The following RELN variants were observed in gnomAD, a reference collection of about 807,000 sequenced individuals.
RELN encodes reelin.
In RELN, 108 loss-of-function variants were observed where a neutral mutation model predicts 427.6. The ratio of observed to expected loss-of-function variants is 0.25; its 90% confidence interval spans 0.22 to 0.30. RELN has a LOEUF of 0.30. RELN is among the 10% of genes least tolerant of loss of function. The pLI, the probability that RELN is intolerant of heterozygous loss-of-function variation, is 1.00. For synonymous variants in RELN, 1,524 were observed against 1,513.4 expected, an observed-to-expected ratio of 1.01 and a Z score of -0.16; for missense variants, 3,715 against 4,302.8, an observed-to-expected ratio of 0.86 and a Z score of 3.82.
intron 11 of RELN, among the ~76,000 whole-genome samples, chr7:103,666,915 A>G (rs1833280081): frequency 6.6e-6 from 1 of 152,116 alleles, no homozygotes. Flanking sequence ...TATCAGTTCT[A>G]TCTGTCATCT....
intron 8 of RELN, among the ~76,000 whole-genome samples, chr7:103,720,816 A>G (rs971059082): frequency 2.0e-5 from 3 of 152,148 alleles, no homozygotes; most frequent in African/African-American, 7.2e-5. Flanking sequence ...AATAAACAGA[A>G]TGATGTCACA....
chr7:103,592,980 CATCTG>C (rs1365841241), intron 27 of RELN, among the ~76,000 whole-genome samples: 3 of 152,288 alleles, frequency 2.0e-5, no homozygotes, highest in East Asian at 3.9e-4. Context: ...TGCCTATAAA[CATCTG>C]ATCTCTTTAA....
At chr7:103,510,520 T>C (rs1230134687) in intron 51 of RELN, among the ~76,000 whole-genome samples, 2 of 151,974 alleles carry the variant, frequency 1.3e-5, no homozygotes, top group Admixed American at 6.6e-5. Context: ...TTAGGAGAAA[T>C]ACCTAATGTA....
At chr7:103,520,957 ATTTTTTTTTTTTTTTT>A (rs55830035) in intron 48 of RELN, among the ~76,000 whole-genome samples, 1 of 79,184 alleles carries the variant, frequency 1.3e-5, no homozygotes, top group Non-Finnish European at 2.4e-5. Flanking sequence ...TAAATTTGTT[ATTTTTTTTTTTTTTTT>A]TTTTTTTTTT....
intron 4 of RELN, 73 bp downstream of exon 4, chr7:103,776,484 C>T (rs1452841033): frequency 8.3e-6 from 12 of 1,453,780 alleles, no homozygotes; most frequent in South Asian, 2.3e-5. Context: ...GAAATGCTTA[C>T]TTGGTACATA....
rs542388709 is a variant in RELN at position 103,733,994 on chromosome 7, T to G, written c.657-5787A>C. On this transcript the variant is annotated intron_variant, in intron 6 of 64. Transcript: ENST00000428762. ...AAGTAATCTGAAATTCTACTCTTCCTTTATGGAAAAGTTCTATGAGTTCCT... is the reference window on the plus strand; with the variant it reads ...AAGTAATCTGAAATTCTACTCTTCCGTTATGGAAAAGTTCTATGAGTTCCT... 3.9e-5 allele frequency among the ~76,000 whole-genome samples: 6 copies of G among 152,286 alleles called. No individual in the cohort carries two copies. The East Asian group carries it at 1.2e-3, about 29-fold the overall frequency.
At chr7:103,642,263 G>T (rs2117366113) in intron 16 of RELN, among the ~76,000 whole-genome samples, 1 of 151,290 alleles carries the variant, frequency 6.6e-6, no homozygotes, top group East Asian at 2.0e-4. Context: ...ATACCTAACA[G>T]AATTATGATA....
rs760341094 is a variant in RELN at position 103,510,894 on chromosome 7, G to C, written c.8231C>G (p.Thr2744Ser). Residue 2744 changes from threonine to serine, a missense_variant, in exon 51 of 65, where the codon ACC becomes AGC. Thr to Ser is a moderately conservative substitution (Grantham distance 58, BLOSUM62 1). Coordinates refer to ENST00000428762, the MANE Select transcript of RELN (RefSeq NM_005045.4). ...GCCTTCAGTGGGAGTCAGGTCATGG[G>C]TCACTGCATACACCTCCCGTCCATC... ...SHDGREVYAVTHDLTPTEGWI... is the reference protein window; with the variant it reads ...SHDGREVYAVSHDLTPTEGWI... 1 of 1,613,498 alleles carries C rather than the reference G, an allele frequency of 6.2e-7. No homozygotes were observed. The highest frequency in any genetic ancestry group is 1.1e-5 in the South Asian group (1 of 91,056).
intron 11 of RELN, among the ~76,000 whole-genome samples, chr7:103,665,364 A>G (rs10225457): frequency 0.028 from 2,031 of 71,670 alleles, 18 homozygotes; most frequent in Middle Eastern, 0.11. Context: ...GTGTGTGTGT[A>G]TATATATATA....
intron 11 of RELN, among the ~76,000 whole-genome samples, chr7:103,663,179 C>T (rs548208582): frequency 1.3e-5 from 2 of 152,296 alleles, no homozygotes; most frequent in Non-Finnish European, 2.9e-5. Context: ...CACTCCATCT[C>T]AGACTGTTAG....
intron 5 of RELN, among the ~76,000 whole-genome samples, 166 bp downstream of exon 5, chr7:103,753,016 G>T (rs891943817): frequency 1.3e-5 from 2 of 152,160 alleles, no homozygotes; most frequent in Non-Finnish European, 2.9e-5. Context: ...TCCTCAAGGA[G>T]GTTCTGTGTT....
At chr7:103,680,950 G>C (rs1211818558) in intron 11 of RELN, among the ~76,000 whole-genome samples, 1 of 152,130 alleles carries the variant, frequency 6.6e-6, no homozygotes, top group Non-Finnish European at 1.5e-5. Context: ...CTGTGCCACA[G>C]GCTGGACCTG....
chr7:103,874,795 C>A (rs1044772282), intron 2 of RELN, among the ~76,000 whole-genome samples: 1 of 150,072 alleles, frequency 6.7e-6, no homozygotes, highest in Admixed American at 6.7e-5. Flanking sequence ...AGGTCATTTA[C>A]AGATTCAATG....
In RELN at chr7:103,623,746, G is replaced by A. The variant is rs79601576; in HGVS notation, c.2702+6194C>T. Among the ~76,000 whole-genome samples, 532 of 152,270 alleles carry A rather than the reference G, an allele frequency of 3.5e-3. 5 individuals are homozygous for A. Among genetic ancestry groups the A allele is most frequent in the African/African-American group, 0.012 (509 of 41,536 alleles). The stretch of plus-strand genomic sequence containing the variant: ...GGAGAGGTAGATCTCATTTTAAAAT[G>A]TGTGGTATAATGCTTGCTAACTGTG... On this transcript the variant is annotated intron_variant, in intron 20 of 64. Transcript: ENST00000428762.
intron 1 of RELN, among the ~76,000 whole-genome samples, chr7:103,962,985 A>G (rs968614766): frequency 3.3e-5 from 5 of 152,112 alleles, no homozygotes; most frequent in Admixed American, 1.3e-4. Flanking sequence ...AGGTTGAGAA[A>G]ACGTCCAGCT....
chr7:103,525,325 C>T (rs1031241931), intron 46 of RELN, among the ~76,000 whole-genome samples: 3 of 152,268 alleles, frequency 2.0e-5, no homozygotes, highest in African/African-American at 7.2e-5. Flanking sequence ...CATTTATTTG[C>T]ATACATATTT....
At chr7:103,808,824 T>A (rs1270541391) in intron 3 of RELN, among the ~76,000 whole-genome samples, 1 of 152,136 alleles carries the variant, frequency 6.6e-6, no homozygotes, top group Non-Finnish European at 1.5e-5. Context: ...AATGTTATGA[T>A]GGAGGCATTC....
At chr7:103,575,905 T>C (rs1830989830) in intron 28 of RELN, among the ~76,000 whole-genome samples, 200 bp from the exon 29 acceptor site, 1 of 152,074 alleles carries the variant, frequency 6.6e-6, no homozygotes, top group South Asian at 2.1e-4. Context: ...TGAGACAGCA[T>C]CTTGCTCTGT....
intron 16 of RELN, among the ~76,000 whole-genome samples, chr7:103,647,243 C>T (rs1314496875): frequency 6.6e-6 from 1 of 151,730 alleles, no homozygotes; most frequent in Non-Finnish European, 1.5e-5. Context: ...AAAAGGCACC[C>T]AAATTTGAAA....
Sources: gnomAD v4.1 joint callset for allele counts (sites outside exome capture counted in the v4.1 genomes callset) on GRCh38, gnomAD v4.1.1 for gene constraint, MANE v1.5 for transcripts, NCBI Gene and HGNC (gene_info 2026-07-23, HGNC 2026-07-21) for gene names.